The following FGF10 variants were observed in gnomAD, a reference collection of about 807,000 sequenced individuals.
FGF10 encodes FGF-10.
A neutral mutation model predicts 19.8 loss-of-function variants in FGF10; 2 were observed. That is an observed-to-expected ratio of 0.10 (90% confidence interval 0.04 to 0.32). FGF10 has a LOEUF of 0.32. Among genes scored for constraint, FGF10 ranks in the 10% least tolerant of loss-of-function variants. The pLI is 1.00. For synonymous variants in FGF10, 112 were observed against 94.0 expected (o/e 1.19, Z -1.10); for missense variants, 191 against 246.3 (o/e 0.78, Z 1.50).
chr5:44,356,612 A>T (rs1340906857), intron 1 of FGF10, among the ~76,000 whole-genome samples: 1 of 151,310 alleles, frequency 6.6e-6, no homozygotes, highest in East Asian at 1.9e-4. Flanking sequence ...CTATTTTCTG[A>T]CTATGTTTCT....
chr5:44,354,699 T>A (rs1290778840), intron 1 of FGF10, among the ~76,000 whole-genome samples: 3 of 151,458 alleles, frequency 2.0e-5, no homozygotes, highest in African/African-American at 7.3e-5. Context: ...TGTGTTGGAA[T>A]TTGCTCCATT....
intron 1 of FGF10, among the ~76,000 whole-genome samples, chr5:44,351,890 A>C (rs1741241359): frequency 6.6e-6 from 1 of 151,602 alleles, no homozygotes; most frequent in South Asian, 2.1e-4. Flanking sequence ...ATATTTACTG[A>C]TTTATATCTT....
chr5:44,316,108 G>A (rs1740342749), intron 1 of FGF10, among the ~76,000 whole-genome samples: 1 of 152,140 alleles, frequency 6.6e-6, no homozygotes, highest in East Asian at 1.9e-4. Flanking sequence ...GATTCTCACA[G>A]GAGTGCGAAC....
rs62366720 is a variant in FGF10 at position 44,379,834 on chromosome 5, C to G, written c.325+8524G>C. ...TCACTCCAGCAAAGCATCTCCTCCT[C>G]CTTTCACAGTATGTGTCTAAACACT... On this transcript the variant is annotated intron_variant, in intron 1 of 2. Transcript: ENST00000264664. Among the ~76,000 whole-genome samples the G allele has an allele frequency of 9.2e-3, 1,408 of 152,320 alleles. 12 individuals carry two copies. The highest frequency in any genetic ancestry group is 0.016 in the Non-Finnish European group (1,072 of 68,034).
chr5:44,358,273 G>T (rs1741395165), intron 1 of FGF10, among the ~76,000 whole-genome samples: 1 of 151,448 alleles, frequency 6.6e-6, no homozygotes, highest in Non-Finnish European at 1.5e-5. Context: ...GTGCCACAAT[G>T]TATGTTGAAA....
intron 2 of FGF10, 117 bp downstream of exon 2, chr5:44,310,310 G>A (rs886792740): frequency 1.4e-6 from 1 of 711,102 alleles, no homozygotes; most frequent in Non-Finnish European, 2.6e-6. Context: ...AACCCACTGT[G>A]GCTCTATTTA....
chr5:44,337,088 A>G (rs1740870681), intron 1 of FGF10, among the ~76,000 whole-genome samples: 1 of 152,174 alleles, frequency 6.6e-6, no homozygotes, highest in Non-Finnish European at 1.5e-5. Flanking sequence ...TTTAATCCCA[A>G]AAATAGGCTT....
At chr5:44,328,754 C>T (rs1002475897) in intron 1 of FGF10, among the ~76,000 whole-genome samples, 2 of 152,018 alleles carry the variant, frequency 1.3e-5, no homozygotes, top group Non-Finnish European at 2.9e-5. Context: ...TTTGCAGCAA[C>T]GTGGATGGAA....
At position 44,359,847 on chromosome 5, in the gene FGF10, C is replaced by G. The variant is rs868009727; in HGVS notation, c.325+28511G>C. On this transcript the variant is annotated intron_variant, in intron 1 of 2. Transcript: ENST00000264664. Reference sequence around the variant, plus strand: ...TTCTCATCATCCACTCCAACTTTCACCCCCTAACCCTTCCAAGTCTCATGG... The same window carrying G: ...TTCTCATCATCCACTCCAACTTTCAGCCCCTAACCCTTCCAAGTCTCATGG... 2.3e-4 allele frequency among the ~76,000 whole-genome samples: 35 copies of G among 151,554 alleles called. No individual in the cohort carries two copies. The South Asian group carries it at 7.3e-3, about 31-fold the overall frequency.
intron 1 of FGF10, among the ~76,000 whole-genome samples, chr5:44,348,340 A>T (rs1323119454): frequency 6.6e-6 from 1 of 151,742 alleles, no homozygotes; most frequent in Non-Finnish European, 1.5e-5. Context: ...CTAATGGGAT[A>T]GTCTTGCCAT....
rs139234659 is a variant in FGF10 at position 44,314,789 on chromosome 5, G to A, written c.326-4259C>T. ...CTATTGTCCCCCTAGCAATCATGTT[G>A]GACAAAGGCTTCTTCTGTTTTGGTG... On this transcript the variant is annotated intron_variant, in intron 1 of 2. Transcript: ENST00000264664. Among the ~76,000 whole-genome samples the A allele has an allele frequency of 2.4e-3, 369 of 152,188 alleles. 4 individuals carry two copies. The South Asian group carries it at 0.042, about 18-fold the overall frequency.
chr5:44,351,054 T>C (rs1462399331), intron 1 of FGF10, among the ~76,000 whole-genome samples: 2 of 151,502 alleles, frequency 1.3e-5, no homozygotes, highest in African/African-American at 2.4e-5. Flanking sequence ...TCTGGCATTG[T>C]TAAATGAAGA....
chr5:44,308,182 T>C (rs1393441099), intron 2 of FGF10, among the ~76,000 whole-genome samples: 1 of 152,136 alleles, frequency 6.6e-6, no homozygotes, highest in Non-Finnish European at 1.5e-5. Context: ...TTCACAGAGC[T>C]TAGAGCTCAA....
chr5:44,384,206 A>G (rs900357276), intron 1 of FGF10, among the ~76,000 whole-genome samples: 7 of 152,104 alleles, frequency 4.6e-5, no homozygotes, highest in African/African-American at 1.7e-4. Context: ...GCTGTAAACA[A>G]TTACTATATA....
At position 44,302,703 on chromosome 5, in the gene FGF10, A is replaced by G. The variant is rs1159981899; in HGVS notation, c.*2292T>C. 6.6e-6 allele frequency among the ~76,000 whole-genome samples: 1 copy of G among 152,116 alleles called. No individual in the cohort carries two copies. Among genetic ancestry groups the G allele is most frequent in the Non-Finnish European group, 1.5e-5 (1 of 68,000 alleles). ...TCTGTGAGGGAAATGTGGGAGAGACAGGGAGATGTTTTCTATTTTTGGCCT... is the reference window on the plus strand; with the variant it reads ...TCTGTGAGGGAAATGTGGGAGAGACGGGGAGATGTTTTCTATTTTTGGCCT... On this transcript the variant is annotated 3_prime_UTR_variant, in exon 3 of 3. Coordinates refer to ENST00000264664, the MANE Select transcript of FGF10 (RefSeq NM_004465.2).
At chr5:44,330,734 A>T (rs1579910197) in intron 1 of FGF10, among the ~76,000 whole-genome samples, 1 of 152,290 alleles carries the variant, frequency 6.6e-6, no homozygotes, top group Non-Finnish European at 1.5e-5. Flanking sequence ...TGGCTGTTGC[A>T]CTATTTGTTA....
In FGF10 at chr5:44,301,046, A is replaced by C. The variant is rs1739955687; in HGVS notation, c.*3949T>G. ...GTCTGAGAAGAAGCAGATCTTCGTTACTTCATTTCTAAGTACTCATAGAAC... is the reference window on the plus strand; with the variant it reads ...GTCTGAGAAGAAGCAGATCTTCGTTCCTTCATTTCTAAGTACTCATAGAAC... On this transcript the variant is annotated 3_prime_UTR_variant, in exon 3 of 3. Coordinates refer to ENST00000264664, the MANE Select transcript of FGF10 (RefSeq NM_004465.2). Among the ~76,000 whole-genome samples the C allele has an allele frequency of 6.6e-6, 1 of 152,238 alleles. No individual in the cohort carries two copies. The highest frequency in any genetic ancestry group is 3.4e-3 in the Middle Eastern group (1 of 294).
rs534451747 is a variant in FGF10, at chr5:44,365,387, T to C, written c.325+22971A>G. On this transcript the variant is annotated intron_variant, in intron 1 of 2. Transcript: ENST00000264664. Reference sequence around the variant, plus strand: ...AAAAAGAGAGAGGTAAAAAGCTCCTTTTTGTTATTGCTTCTTTCTTTATAA... The same window carrying C: ...AAAAAGAGAGAGGTAAAAAGCTCCTCTTTGTTATTGCTTCTTTCTTTATAA... Among the ~76,000 whole-genome samples, 261 of 150,754 alleles carry C rather than the reference T, an allele frequency of 1.7e-3. 1 individual carries two copies. Among genetic ancestry groups the C allele is most frequent in the African/African-American group, 6.1e-3 (252 of 41,324 alleles).
At position 44,388,352 on chromosome 5, in the gene FGF10, A is replaced by G. The variant is rs201987275; in HGVS notation, c.325+6T>C. On this transcript the variant is annotated splice_donor_region_variant and intron_variant, in intron 1 of 2. Coordinates refer to ENST00000264664, the MANE Select transcript of FGF10 (RefSeq NM_004465.2). ...GGAAGGAGGGGAGCATGCATTTGTT[A>G]CTTACTGTACGGGCAGTTCTCCTTC... is the stretch of plus-strand genomic sequence containing the variant. 6.2e-7 allele frequency: 1 copy of G among 1,612,350 alleles called. No homozygotes were observed. The highest frequency in any genetic ancestry group is 8.5e-7 in the Non-Finnish European group (1 of 1,179,430).
Sources: allele counts gnomAD v4.1 joint callset (sites outside exome capture counted in the v4.1 genomes callset), GRCh38; gene constraint gnomAD v4.1.1; transcripts MANE v1.5; gene names NCBI Gene and HGNC (gene_info 2026-07-23, HGNC 2026-07-21).